Variants in PAIP1 observed in about 807,000 individuals in gnomAD.
PAIP1 encodes polyadenylate-binding protein-interacting protein 1.
PAIP1 carries 16 observed loss-of-function variants against 61.3 expected under a neutral mutation model. The ratio of observed to expected loss-of-function variants is 0.26; its 90% CI spans 0.18 to 0.40. The LOEUF is 0.40. PAIP1 is among the 10% of genes least tolerant of loss of function. The pLI is 1.00. For missense variants in PAIP1, 416 were observed against 600.9 expected (o/e 0.69, Z 3.22); for synonymous variants, 187 against 226.2 (o/e 0.83, Z 1.56).
At chr5:43,546,360 AT>A (rs1178156572) in intron 3 of PAIP1, among the ~76,000 whole-genome samples, 2 of 152,202 alleles carry the variant, frequency 1.3e-5, no homozygotes, top group Non-Finnish European at 2.9e-5. Flanking sequence ...AAATAAATAC[AT>A]TTGTTTCATT....
chr5:43,555,872 A>C lies in PAIP1; in HGVS notation c.393T>G (p.Asn131Lys). 2 of 1,613,482 alleles carry C rather than the reference A, an allele frequency of 1.2e-6. No homozygotes were observed. The highest frequency in any genetic ancestry group is 1.7e-6 in the Non-Finnish European group (2 of 1,179,880). Residue 131 changes from asparagine (N) to lysine (K), a missense_variant, in exon 2 of 11, where the codon AAT becomes AAG. Around this residue, in one of 4 missense-constraint regions of PAIP1, gnomAD observed 180 missense variants for 211.2 expected, o/e 0.85. Coordinates refer to ENST00000306846, the MANE Select transcript of PAIP1 (RefSeq NM_006451.5). ...AACCTGAAGGGTAAAATTCAGGGGC[A>C]TTCACAGACAGCTTAGACATTAATA... The part of the protein sequence containing the change: ...APVLMSKLSV[N>K]APEFYPSGYS...
chr5:43,542,889 TAAG>T (rs1747469587), intron 4 of PAIP1, 112 bp downstream of exon 4: 3 of 567,792 alleles, frequency 5.3e-6, no homozygotes, highest in South Asian at 2.5e-5. Flanking sequence ...ATAATGCACA[TAAG>T]AATAGGCTGC....
chr5:43,551,762 T>TTTTA (rs58922191), intron 2 of PAIP1, among the ~76,000 whole-genome samples: 1 of 146,746 alleles, frequency 6.8e-6, no homozygotes, highest in African/African-American at 2.5e-5. Context: ...TTTTTTTTTT[T>TTTTA]AAAGTCAACA....
intron 9 of PAIP1, among the ~76,000 whole-genome samples, chr5:43,531,327 T>TGAAAAAA (rs1378219535): frequency 1.2e-5 from 1 of 86,596 alleles, no homozygotes; most frequent in African/African-American, 4.3e-5. Flanking sequence ...AAAAAAAAAA[T>TGAAAAAA]GAAAAAAGAA....
At chr5:43,531,408 GA>G (rs59840328) in intron 9 of PAIP1, among the ~76,000 whole-genome samples, 67,074 of 126,522 alleles carry the variant, frequency 0.53, 17,110 homozygotes, top group Middle Eastern at 0.64. Flanking sequence ...AATGGTTTAA[GA>G]AAAAAAAAAA....
At chr5:43,533,631 G>C (rs1370625369) in intron 9 of PAIP1, 107 bp downstream of exon 9, 1 of 776,292 alleles carries the variant, frequency 1.3e-6, no homozygotes, top group Non-Finnish European at 2.4e-6. Flanking sequence ...AGAATGATGT[G>C]AAGACATCAA....
chr5:43,529,884 A>C lies in PAIP1; in HGVS notation c.1253-5T>G. On this transcript the variant is annotated splice_polypyrimidine_tract_variant and splice_region_variant and intron_variant, in intron 9 of 10. Coordinates refer to ENST00000306846, the MANE Select transcript of PAIP1 (RefSeq NM_006451.5). ...CTTGGTATTTCTCTTGGTAATCTGTAAGACAACATAGGAGAAAAACTAAAT... is the reference window on the plus strand; with the variant it reads ...CTTGGTATTTCTCTTGGTAATCTGTCAGACAACATAGGAGAAAAACTAAAT... 1 of 1,267,770 alleles carries C rather than the reference A, an allele frequency of 7.9e-7. No homozygotes were observed. 78.5% of individuals were successfully genotyped at this position (1,267,770 alleles called of 1,614,324 possible).
At chr5:43,549,878 GC>G in intron 2 of PAIP1, among the ~76,000 whole-genome samples, 1 of 152,062 alleles carries the variant, frequency 6.6e-6, no homozygotes, top group South Asian at 2.1e-4. Context: ...GTACCACCAG[GC>G]CCAGCTAATT....
Position 43,539,685 on chromosome 5 carries a change from T to C in PAIP1, c.735-650A>G, listed in dbSNP as rs887791017. Among the ~76,000 whole-genome samples, 15 of 152,302 alleles carry C rather than the reference T, an allele frequency of 9.8e-5. No homozygotes were observed. In the East Asian group the frequency reaches 2.7e-3, roughly 27 times the overall value. ...GATTTTTCCTTGCTCTCTTTGCCCC[T>C]GACTTGACCCATTTGCTTCACACAG... On this transcript the variant is annotated intron_variant, in intron 4 of 10. Coordinates refer to ENST00000306846, the MANE Select transcript of PAIP1 (RefSeq NM_006451.5).
chr5:43,529,331 T>C (rs542519762), intron 10 of PAIP1, among the ~76,000 whole-genome samples: 5 of 152,330 alleles, frequency 3.3e-5, no homozygotes, highest in Non-Finnish European at 7.3e-5. Flanking sequence ...TTTTCAGAAC[T>C]AGTCTGTGAG....
chr5:43,531,988 G>A, intron 9 of PAIP1, among the ~76,000 whole-genome samples: 1 of 152,044 alleles, frequency 6.6e-6, no homozygotes, highest in South Asian at 2.1e-4. Flanking sequence ...TGAACAAAAT[G>A]CAGAAACAAA....
intron 4 of PAIP1, among the ~76,000 whole-genome samples, chr5:43,541,358 T>C (rs559908423): frequency 1.4e-5 from 2 of 139,348 alleles, no homozygotes; most frequent in East Asian, 4.2e-4. Flanking sequence ...TTCACCATGT[T>C]AGCCAGGATG....
intron 6 of PAIP1, 22 bp from the exon 7 acceptor site, chr5:43,535,662 AAAT>A (rs778614384): frequency 2.4e-6 from 3 of 1,271,508 alleles, no homozygotes; most frequent in Non-Finnish European, 3.4e-6. Flanking sequence ...GGTGTCAGTA[AAAT>A]AAGAAATTCA....
chr5:43,530,389 T>C (rs755183016), intron 9 of PAIP1, among the ~76,000 whole-genome samples: 6 of 152,208 alleles, frequency 3.9e-5, no homozygotes, highest in Non-Finnish European at 7.3e-5. Context: ...TCCAAGGTAA[T>C]ACAGGTGATA....
rs530277242 is a variant in PAIP1, at chr5:43,543,012, T to G, written c.726A>C (p.Leu242=). 2 of 1,524,702 alleles carry G rather than the reference T, an allele frequency of 1.3e-6. No individual in the cohort carries two copies. 94.4% of individuals were successfully genotyped at this position (1,524,702 alleles called of 1,614,324 possible). Residue 242 remains leucine, a synonymous_variant, in exon 4 of 11, where the codon CTA becomes CTC. Coordinates refer to ENST00000306846, the MANE Select transcript of PAIP1 (RefSeq NM_006451.5). ...SPQSGNFRQL[L]LQRCRTEYEV... ...TTCACATTTACACTGACCTTTGAAGTAGCAATTGGCGGAAGTTGCCACTCT... is the reference window on the plus strand; with the variant it reads ...TTCACATTTACACTGACCTTTGAAGGAGCAATTGGCGGAAGTTGCCACTCT...
At chr5:43,547,696 T>C (rs1426128873) in intron 3 of PAIP1, 32 bp downstream of exon 3, 5 of 1,468,170 alleles carry the variant, frequency 3.4e-6, no homozygotes, top group African/African-American at 1.4e-5. Flanking sequence ...GGAAGCTATC[T>C]GAAGGTCACT....
At chr5:43,541,288 C>CAAT (rs1747395279) in intron 4 of PAIP1, among the ~76,000 whole-genome samples, 1 of 25,208 alleles carries the variant, frequency 4.0e-5, no homozygotes, top group Non-Finnish European at 6.4e-5. Flanking sequence ...CCACGCCCAG[C>CAAT]TTTTTTTTTT....
At chr5:43,535,987 A>T (rs1004650597) in intron 6 of PAIP1, among the ~76,000 whole-genome samples, 244 of 152,106 alleles carry the variant, frequency 1.6e-3, no homozygotes, top group African/African-American at 5.6e-3. Flanking sequence ...GCTTTGAATA[A>T]AAAAAAAAAA....
chr5:43,556,980 C>A lies in PAIP1; in HGVS notation c.-134G>T. Reference sequence around the variant, plus strand: ...CCTCATGGAGGAGGAGGGCGGCGGGCCCCGGCTCGGCTGCTCGGTGCTTCT... The same window carrying A: ...CCTCATGGAGGAGGAGGGCGGCGGGACCCGGCTCGGCTGCTCGGTGCTTCT... On this transcript the variant is annotated 5_prime_UTR_variant, in exon 1 of 11. Coordinates refer to ENST00000306846, the MANE Select transcript of PAIP1 (RefSeq NM_006451.5). 2 of 1,239,332 alleles carry A rather than the reference C, an allele frequency of 1.6e-6. No individual in the cohort carries two copies. The highest frequency in any genetic ancestry group is 2.0e-6 in the Non-Finnish European group (2 of 987,552). The allele number at this position is 1,239,332 out of a possible 1,614,324, so 76.8% of individuals were successfully genotyped here. A position where few individuals can be genotyped will look rare whatever the true frequency, so the allele number is the denominator to read the frequency against.
Sources: gnomAD v4.1 joint callset for allele counts (sites outside exome capture counted in the v4.1 genomes callset) on GRCh38, gnomAD v4.1.1 for gene constraint, gnomAD v4.1.1 regional missense constraint, MANE v1.5 for transcripts, NCBI Gene and HGNC (gene_info 2026-07-23, HGNC 2026-07-21) for gene names.